RBFOX1: variants seen among roughly 807,000 people sequenced by gnomAD.
RBFOX1 encodes the protein RNA binding fox-1 homolog 1, also known as RNA binding protein fox-1 homolog 1.
RBFOX1 carries 8 observed loss-of-function variants against 57.7 expected under a neutral mutation model. That is an observed-to-expected ratio of 0.14 (90% CI 0.08 to 0.25). The LOEUF (loss-of-function observed/expected upper bound fraction) is 0.25. Ranked by LOEUF, RBFOX1 falls within the 10% of genes least tolerant of loss-of-function variation. The probability of loss-of-function intolerance (pLI) is 1.00; values close to 1 mark genes in which losing one functional copy is unlikely to be tolerated. For synonymous variants in RBFOX1, 326 were observed against 222.4 expected (o/e 1.47, Z -4.15); for missense variants, 611 against 548.5 (o/e 1.11, Z -1.14).
intron 4 of RBFOX1, chr16:7,332,796 G>C (rs1251708811): frequency 2.2e-6 from 3 of 1,394,628 alleles, no homozygotes; most frequent in African/African-American, 1.4e-5. Flanking sequence ...GTGTCTCTTC[G>C]TCGTCTGGGA....
chr16:5,816,775 C>T (rs1425616378), intron 3 of RBFOX1, among the ~76,000 whole-genome samples: 2 of 151,914 alleles, frequency 1.3e-5, no homozygotes, highest in Non-Finnish European at 2.9e-5. Flanking sequence ...CAGTGAGACC[C>T]CTGTCTCAAA....
intron 4 of RBFOX1, among the ~76,000 whole-genome samples, chr16:7,099,024 C>G (rs1162127990): frequency 6.6e-6 from 1 of 152,246 alleles, no homozygotes; most frequent in Middle Eastern, 3.4e-3. Flanking sequence ...TGTCCAAACT[C>G]TCTCTTGTTA....
chr16:6,581,853 T>TAC (rs1371292781), intron 2 of RBFOX1, among the ~76,000 whole-genome samples: 1 of 152,222 alleles, frequency 6.6e-6, no homozygotes, highest in Non-Finnish European at 1.5e-5. Context: ...CCACTGAGAT[T>TAC]ACATGTCCAA....
intron 3 of RBFOX1, among the ~76,000 whole-genome samples, chr16:7,003,082 C>T (rs1226914302): frequency 2.0e-5 from 3 of 151,604 alleles, no homozygotes; most frequent in African/African-American, 4.8e-5. Context: ...ACAATCAGGC[C>T]ATGATTTACA....
chr16:6,348,720 C>T (rs1035432692), intron 2 of RBFOX1, among the ~76,000 whole-genome samples: 2 of 152,006 alleles, frequency 1.3e-5, no homozygotes, highest in Admixed American at 6.5e-5. Context: ...CCGGATGTCC[C>T]GAGAACTCTC....
intron 4 of RBFOX1, among the ~76,000 whole-genome samples, chr16:5,885,477 C>T (rs1371619231): frequency 1.3e-5 from 2 of 152,100 alleles, no homozygotes; most frequent in Admixed American, 6.6e-5. Flanking sequence ...TGAACTTTTG[C>T]AACCTGTGCT....
intron 3 of RBFOX1, among the ~76,000 whole-genome samples, chr16:6,762,435 A>C (rs927944644): frequency 7.2e-5 from 11 of 152,148 alleles, no homozygotes; most frequent in Non-Finnish European, 1.3e-4. Flanking sequence ...ACCGACAATG[A>C]AATTATGGAT....
rs1261984819 is a variant in RBFOX1, at chr16:7,004,847, G to C, written c.-15-47210G>C. On this transcript the variant is annotated intron_variant, in intron 3 of 15. Coordinates refer to ENST00000550418, the MANE Select transcript of RBFOX1 (RefSeq NM_018723.4). Reference sequence around the variant, plus strand: ...TGTTGGAACCTGTTGGGACAGAACAGGTTGAATCCTTGAGCAAAGAGGCCA... The same window carrying C: ...TGTTGGAACCTGTTGGGACAGAACACGTTGAATCCTTGAGCAAAGAGGCCA... 2.0e-5 allele frequency among the ~76,000 whole-genome samples: 3 copies of C among 152,248 alleles called. No individual in the cohort carries two copies. The East Asian group carries it at 5.8e-4, about 30-fold the overall frequency.
At chr16:6,094,128 A>G (rs944462443) in intron 1 of RBFOX1, among the ~76,000 whole-genome samples, 2 of 152,166 alleles carry the variant, frequency 1.3e-5, no homozygotes, top group African/African-American at 4.8e-5. Context: ...TGTGAAATAG[A>G]TTTCCAGTTT....
Position 6,460,537 on chromosome 16 carries a change from C to T in RBFOX1, c.-64+143480C>T, listed in dbSNP as rs552425326. On this transcript the variant is annotated intron_variant, in intron 2 of 15. Transcript: ENST00000550418. ...TCATTAGAGAGATGCAAATCAAAAC[C>T]ACAATGAGATACCATCTCACACCAG... Among the ~76,000 whole-genome samples, 48 of 151,124 alleles carry T rather than the reference C, an allele frequency of 3.2e-4. No individual in the cohort carries two copies. In the East Asian group the frequency reaches 8.8e-3, roughly 28 times the overall value.
chr16:5,489,703 C>A (rs1176178127), intron 2 of RBFOX1, among the ~76,000 whole-genome samples: 1 of 152,192 alleles, frequency 6.6e-6, no homozygotes, highest in African/African-American at 2.4e-5. Context: ...GACGTGATGA[C>A]CTCTCTCGGC....
chr16:7,426,368 C>A (rs1385447920), intron 4 of RBFOX1, among the ~76,000 whole-genome samples: 1 of 152,182 alleles, frequency 6.6e-6, no homozygotes, highest in Non-Finnish European at 1.5e-5. Flanking sequence ...ACACCCAGCT[C>A]TGGGGGCACC....
chr16:6,321,990 C>A lies in RBFOX1; in HGVS notation c.-64+4933C>A, dbSNP rs2081860044. On this transcript the variant is annotated intron_variant, in intron 2 of 15. Coordinates refer to ENST00000550418, the MANE Select transcript of RBFOX1 (RefSeq NM_018723.4). ...CCAATGCATAACACTTGAAATCAGT[C>A]CACGTCTCACTCATTGACCCATGGG... Among the ~76,000 whole-genome samples, 3 of 152,178 alleles carry A rather than the reference C, an allele frequency of 2.0e-5. No homozygotes were observed. The South Asian group carries it at 6.2e-4, about 32-fold the overall frequency.
At chr16:7,085,225 G>C (rs959341356) in intron 4 of RBFOX1, among the ~76,000 whole-genome samples, 3 of 152,076 alleles carry the variant, frequency 2.0e-5, no homozygotes, top group African/African-American at 7.2e-5. Context: ...AATAACATCT[G>C]ATTCCATGGA....
At chr16:6,448,573 T>G (rs2094533235) in intron 2 of RBFOX1, among the ~76,000 whole-genome samples, 1 of 152,196 alleles carries the variant, frequency 6.6e-6, no homozygotes, top group Admixed American at 6.5e-5. Flanking sequence ...TACCTGCCCA[T>G]AGCACCCTGT....
intron 4 of RBFOX1, among the ~76,000 whole-genome samples, chr16:7,129,435 A>G (rs1398991554): frequency 6.6e-6 from 1 of 152,160 alleles, no homozygotes; most frequent in Non-Finnish European, 1.5e-5. Flanking sequence ...GAAGTAATGG[A>G]TAGAGATCAG....
At chr16:6,662,657 A>T (rs576069664) in intron 3 of RBFOX1, among the ~76,000 whole-genome samples, 116 of 152,298 alleles carry the variant, frequency 7.6e-4, no homozygotes, top group Admixed American at 1.8e-3. Context: ...TTGGTTAAAA[A>T]AAAAAGAAAA....
intron 4 of RBFOX1, among the ~76,000 whole-genome samples, chr16:7,269,719 T>G (rs2095270270): frequency 6.6e-6 from 1 of 152,236 alleles, no homozygotes; most frequent in Non-Finnish European, 1.5e-5. Flanking sequence ...CAGAGAATTT[T>G]CTTATACTCA....
At chr16:7,090,146 G>A (rs550137425) in intron 4 of RBFOX1, among the ~76,000 whole-genome samples, 6 of 152,166 alleles carry the variant, frequency 3.9e-5, no homozygotes, top group Non-Finnish European at 8.8e-5. Context: ...AGGAAAATGA[G>A]CCTCAGCTAC....
Sources: allele counts gnomAD v4.1 joint callset (sites outside exome capture counted in the v4.1 genomes callset), GRCh38; gene constraint gnomAD v4.1.1; transcripts MANE v1.5; gene names NCBI Gene and HGNC (gene_info 2026-07-23, HGNC 2026-07-21).